The following NBEA variants were observed in gnomAD, a reference collection of about 807,000 sequenced individuals.
NBEA encodes lysosomal-trafficking regulator 2.
Under a neutral mutation model 343.4 loss-of-function variants are expected in NBEA, and 44 were observed. The observed-to-expected ratio is 0.13, with a 90% CI of 0.10 to 0.16. NBEA has a LOEUF of 0.16. NBEA is among the 10% of genes least tolerant of loss of function. The pLI is 1.00. For missense variants in NBEA, 2,555 were observed against 3,631.3 expected (o/e 0.70, Z 7.62); for synonymous variants, 1,175 against 1,238.7 (o/e 0.95, Z 1.08).
chr13:35,527,026 CT>C (rs199892548), intron 41 of NBEA, among the ~76,000 whole-genome samples: 1,548 of 152,172 alleles, frequency 0.01, 16 homozygotes, highest in Non-Finnish European at 0.016. Context: ...TCTTCTCTTC[CT>C]CTCTCCTTCT....
At chr13:35,125,234 G>A (rs2067057148) in intron 17 of NBEA, among the ~76,000 whole-genome samples, 1 of 152,006 alleles carries the variant, frequency 6.6e-6, no homozygotes, top group South Asian at 2.1e-4. Context: ...TCCAGAATAC[G>A]GGTATCAGCT....
intron 17 of NBEA, among the ~76,000 whole-genome samples, chr13:35,124,754 G>A (rs1313528066): frequency 1.3e-5 from 2 of 150,184 alleles, no homozygotes; most frequent in Non-Finnish European, 3.0e-5. Flanking sequence ...ACACACATAT[G>A]TATGGATATA....
At position 35,205,505 on chromosome 13, in the gene NBEA, C is replaced by T. The variant is rs909295031; in HGVS notation, c.5367-3195C>T. Among the ~76,000 whole-genome samples, 14 of 152,200 alleles carry T rather than the reference C, an allele frequency of 9.2e-5. No homozygotes were observed. The East Asian group carries it at 2.7e-3, about 29-fold the overall frequency. ...TTTCTCACCCTTTTACTGTAATTTTCTGTCCTTTCAGCCTTTCCTCATATG... is the reference window on the plus strand; with the variant it reads ...TTTCTCACCCTTTTACTGTAATTTTTTGTCCTTTCAGCCTTTCCTCATATG... On this transcript the variant is annotated intron_variant, in intron 31 of 58. Transcript: ENST00000379939.
At chr13:35,004,009 A>G (rs546593162) in intron 1 of NBEA, among the ~76,000 whole-genome samples, 289 of 152,140 alleles carry the variant, frequency 1.9e-3, no homozygotes, top group Non-Finnish European at 2.8e-3. Context: ...GCTCCCACTT[A>G]TTAGTGAGAA....
intron 10 of NBEA, among the ~76,000 whole-genome samples, chr13:35,083,611 C>G (rs933990621): frequency 2.0e-5 from 3 of 152,066 alleles, no homozygotes; most frequent in Non-Finnish European, 2.9e-5. Context: ...GAAGGAAGCA[C>G]TCAACATGGA....
At chr13:35,430,733 C>T (rs1427145409) in intron 38 of NBEA, among the ~76,000 whole-genome samples, 2 of 152,050 alleles carry the variant, frequency 1.3e-5, no homozygotes, top group Admixed American at 6.6e-5. Flanking sequence ...TTAATTTTAA[C>T]ATAATCTTAA....
intron 51 of NBEA, among the ~76,000 whole-genome samples, chr13:35,648,476 T>G (rs145797958): frequency 6.6e-6 from 1 of 152,236 alleles, no homozygotes; most frequent in African/African-American, 2.4e-5. Context: ...CCGTGTTAGT[T>G]TTCTGTGTTT....
rs554528764 is a variant in NBEA, at chr13:35,289,398, T to G, written c.5777-991T>G. ...AAAAACAGTGAAAAACTTTAGAAAA[T>G]ATTTTTAAATTACCAAACATCATAA... On this transcript the variant is annotated intron_variant, in intron 34 of 58. Transcript: ENST00000379939. 1.1e-4 allele frequency among the ~76,000 whole-genome samples: 17 copies of G among 151,970 alleles called. No individual in the cohort carries two copies. In the South Asian group the frequency reaches 3.5e-3, roughly 31 times the overall value.
intron 1 of NBEA, among the ~76,000 whole-genome samples, chr13:34,976,292 A>G (rs1008806365): frequency 6.6e-6 from 1 of 152,232 alleles, no homozygotes. Flanking sequence ...ATGGACTTGC[A>G]GACTATTATT....
intron 34 of NBEA, among the ~76,000 whole-genome samples, chr13:35,245,674 TC>T (rs747759340): frequency 9.6e-4 from 146 of 152,310 alleles, no homozygotes; most frequent in East Asian, 7.7e-4. Flanking sequence ...TGATATGTTT[TC>T]CTTTATAGGT....
At chr13:35,566,093 T>C (rs2080123299) in intron 44 of NBEA, among the ~76,000 whole-genome samples, 1 of 152,210 alleles carries the variant, frequency 6.6e-6, no homozygotes, top group Admixed American at 6.5e-5. Context: ...CCAGGTGCAG[T>C]GGCTCAGGCC....
chr13:35,489,103 T>G (rs2076409456), intron 41 of NBEA, among the ~76,000 whole-genome samples: 1 of 151,796 alleles, frequency 6.6e-6, no homozygotes. Flanking sequence ...ATGAGGATGT[T>G]TCATTACTAC....
intron 1 of NBEA, among the ~76,000 whole-genome samples, chr13:35,011,686 A>T (rs1351403956): frequency 3.3e-5 from 5 of 152,192 alleles, no homozygotes. Flanking sequence ...CTACATAATG[A>T]TCTCGTACTA....
At chr13:35,437,404 T>C (rs1281086377) in intron 39 of NBEA, among the ~76,000 whole-genome samples, 1 of 152,202 alleles carries the variant, frequency 6.6e-6, no homozygotes, top group African/African-American at 2.4e-5. Flanking sequence ...TATTAAAACT[T>C]GGTTGACCTT....
chr13:35,465,603 G>A (rs2075356208), intron 40 of NBEA, among the ~76,000 whole-genome samples: 2 of 152,122 alleles, frequency 1.3e-5, no homozygotes, highest in Admixed American at 6.6e-5. Flanking sequence ...TATTCCATAT[G>A]TTGAACTAAA....
intron 38 of NBEA, among the ~76,000 whole-genome samples, chr13:35,426,400 C>T (rs541440133): frequency 6.6e-6 from 1 of 152,122 alleles, no homozygotes; most frequent in South Asian, 2.1e-4. Flanking sequence ...TTCTCCTTCA[C>T]TTATGAAGCT....
At chr13:35,493,481 C>T (rs1268459983) in intron 41 of NBEA, among the ~76,000 whole-genome samples, 2 of 151,912 alleles carry the variant, frequency 1.3e-5, no homozygotes, top group African/African-American at 4.8e-5. Context: ...TTTAGTATAT[C>T]TGTTTCCAAT....
intron 11 of NBEA, among the ~76,000 whole-genome samples, chr13:35,104,410 A>G (rs902080562): frequency 6.6e-6 from 1 of 151,794 alleles, no homozygotes; most frequent in Non-Finnish European, 1.5e-5. Flanking sequence ...ATGTATATAT[A>G]TTTTTGTCTC....
intron 41 of NBEA, among the ~76,000 whole-genome samples, chr13:35,488,455 G>T (rs926587650): frequency 6.6e-6 from 1 of 151,652 alleles, no homozygotes; most frequent in African/African-American, 2.4e-5. Context: ...ATGTATTTTG[G>T]CATTTATCAA....
Sources: allele counts gnomAD v4.1 joint callset (sites outside exome capture counted in the v4.1 genomes callset), GRCh38; gene constraint gnomAD v4.1.1; transcripts MANE v1.5; gene names NCBI Gene and HGNC (gene_info 2026-07-23, HGNC 2026-07-21).